The following KCNU1 variants were observed in gnomAD, a reference collection of about 807,000 sequenced individuals.
KCNU1 encodes the protein potassium channel subfamily U member 1.
KCNU1 carries 93 observed loss-of-function variants against 126.8 expected under a neutral mutation model. The ratio of observed to expected loss-of-function variants is 0.73; its 90% CI spans 0.62 to 0.87. KCNU1 has a LOEUF of 0.87. Among genes scored for constraint, KCNU1 ranks in the 40% least tolerant of loss-of-function variants. The pLI is 0.00. For missense variants in KCNU1, 1,330 were observed against 1,367.1 expected, an observed-to-expected ratio of 0.97 and a Z score of 0.43; for synonymous variants, 523 against 494.2, an observed-to-expected ratio of 1.06 and a Z score of -0.77.
At chr8:36,820,799 G>A (rs1804095468) in intron 10 of KCNU1, among the ~76,000 whole-genome samples, 1 of 152,070 alleles carries the variant, frequency 6.6e-6, no homozygotes, top group Non-Finnish European at 1.5e-5. Flanking sequence ...GGATGCAACT[G>A]TAAGATCATT....
At chr8:36,863,891 G>C (rs934813956) in intron 18 of KCNU1, among the ~76,000 whole-genome samples, 2 of 152,060 alleles carry the variant, frequency 1.3e-5, no homozygotes, top group Non-Finnish European at 2.9e-5. Flanking sequence ...TTCCAGATTT[G>C]GAAATACACA....
intron 23 of KCNU1, among the ~76,000 whole-genome samples, chr8:36,920,233 A>G: frequency 6.6e-6 from 1 of 152,044 alleles, no homozygotes; most frequent in East Asian, 1.9e-4. Context: ...AGACACCAAA[A>G]TCCATGATGC....
At chr8:36,888,478 C>G (rs768701728) in intron 19 of KCNU1, 16 of 495,622 alleles carry the variant, frequency 3.2e-5, no homozygotes, top group African/African-American at 7.8e-5. Flanking sequence ...TCAGCCCCAT[C>G]ACGATTATCT....
chr8:36,864,085 C>T (rs1273956214), intron 18 of KCNU1, among the ~76,000 whole-genome samples: 3 of 152,066 alleles, frequency 2.0e-5, no homozygotes, highest in African/African-American at 4.8e-5. Flanking sequence ...TCTTAGCGTC[C>T]TAAGGTGCCT....
At chr8:36,891,719 C>T (rs998913361) in intron 19 of KCNU1, among the ~76,000 whole-genome samples, 1 of 152,024 alleles carries the variant, frequency 6.6e-6, no homozygotes, top group African/African-American at 2.4e-5. Flanking sequence ...TTGAATAATA[C>T]TTTGTTGGAT....
intron 21 of KCNU1, among the ~76,000 whole-genome samples, chr8:36,909,982 T>C (rs1247833712): frequency 1.3e-5 from 2 of 152,176 alleles, no homozygotes; most frequent in Non-Finnish European, 2.9e-5. Flanking sequence ...ATGGACCATA[T>C]AATGCCACAT....
intron 10 of KCNU1, among the ~76,000 whole-genome samples, chr8:36,822,263 A>G (rs138154759): frequency 0.011 from 1,688 of 152,264 alleles, 13 homozygotes; most frequent in Middle Eastern, 0.037. Flanking sequence ...ACATATATAC[A>G]TACGTATGTA....
intron 18 of KCNU1, among the ~76,000 whole-genome samples, chr8:36,850,920 A>T (rs977580752): frequency 6.6e-6 from 1 of 152,212 alleles, no homozygotes; most frequent in Admixed American, 6.5e-5. Context: ...CTGGGTGTCA[A>T]TTGTATTCTA....
At chr8:36,912,097 A>G (rs1433004537) in intron 22 of KCNU1, among the ~76,000 whole-genome samples, 2 of 152,190 alleles carry the variant, frequency 1.3e-5, no homozygotes, top group Non-Finnish European at 2.9e-5. Flanking sequence ...CTCTGTATCA[A>G]GATCAGGTAC....
At chr8:36,865,401 A>G (rs1162405188) in intron 19 of KCNU1, among the ~76,000 whole-genome samples, 2 of 152,012 alleles carry the variant, frequency 1.3e-5, no homozygotes, top group African/African-American at 4.8e-5. Context: ...ACAATTCTGT[A>G]CTCCCATGTT....
intron 19 of KCNU1, among the ~76,000 whole-genome samples, chr8:36,894,735 A>G (rs1807115543): frequency 6.6e-6 from 1 of 152,162 alleles, no homozygotes; most frequent in South Asian, 2.1e-4. Context: ...GAAGTTGAGA[A>G]AATATTAATT....
rs781576456 is a variant in KCNU1, at chr8:36,935,590, C to T, written c.3120C>T (p.Ser1040=). 1 of 1,612,988 alleles carries T rather than the reference C, an allele frequency of 6.2e-7. No individual in the cohort carries two copies. The highest frequency in any genetic ancestry group is 1.3e-5 in the African/African-American group (1 of 74,862). ...SDLVFCAIPF[S]TACYKRNEEF... is the part of the protein sequence containing the mutation. Reference sequence around the variant, plus strand: ...TTGTGTTTTGTGCCATACCCTTCAGCACTGCTTGTTATAAAAGGAATGAAG... The same window carrying T: ...TTGTGTTTTGTGCCATACCCTTCAGTACTGCTTGTTATAAAAGGAATGAAG... The change falls in exon 27 of 27, where the codon AGC becomes AGT. Residue 1040 remains serine, a synonymous_variant. Coordinates refer to ENST00000399881, the MANE Select transcript of KCNU1 (RefSeq NM_001031836.3).
intron 19 of KCNU1, among the ~76,000 whole-genome samples, chr8:36,902,201 C>G (rs1395179417): frequency 4.6e-5 from 7 of 152,038 alleles, no homozygotes; most frequent in Non-Finnish European, 1.0e-4. Context: ...CAGGTGTTTC[C>G]TTTAAGGCAT....
At chr8:36,828,158 A>T (rs1804395266) in intron 10 of KCNU1, among the ~76,000 whole-genome samples, 1 of 152,138 alleles carries the variant, frequency 6.6e-6, no homozygotes, top group South Asian at 2.1e-4. Flanking sequence ...ATGTTGAACT[A>T]CATTTCCTAC....
intron 25 of KCNU1, 49 bp downstream of exon 25, chr8:36,931,194 G>A: frequency 1.4e-6 from 2 of 1,392,790 alleles, no homozygotes; most frequent in Non-Finnish European, 2.0e-6. Flanking sequence ...TTACCTCTCT[G>A]AGCTTCTGAA....
intron 26 of KCNU1, among the ~76,000 whole-genome samples, chr8:36,933,822 C>T (rs1808775382): frequency 6.6e-6 from 1 of 152,112 alleles, no homozygotes; most frequent in African/African-American, 2.4e-5. Flanking sequence ...GCAGATCTAG[C>T]TCTAGGTGAG....
intron 19 of KCNU1, among the ~76,000 whole-genome samples, chr8:36,893,144 GTT>G (rs34766611): frequency 6.9e-6 from 1 of 144,590 alleles, no homozygotes; most frequent in Non-Finnish European, 1.5e-5. Context: ...GTTTTTTTTT[GTT>G]TTTTTTTTGT....
chr8:36,934,090 A>G (rs1233474724), intron 26 of KCNU1, among the ~76,000 whole-genome samples: 2 of 152,118 alleles, frequency 1.3e-5, no homozygotes, highest in South Asian at 2.1e-4. Context: ...GAGAGAAAGT[A>G]TGATGAGAAG....
At chr8:36,810,607 C>T (rs1469727220) in intron 7 of KCNU1, among the ~76,000 whole-genome samples, 4 of 152,148 alleles carry the variant, frequency 2.6e-5, no homozygotes, top group African/African-American at 9.7e-5. Context: ...AAAATAAAAG[C>T]TATGGTTGCC....
Sources: allele counts gnomAD v4.1 joint callset (sites outside exome capture counted in the v4.1 genomes callset), GRCh38; gene constraint gnomAD v4.1.1; transcripts MANE v1.5; gene names NCBI Gene and HGNC (gene_info 2026-07-23, HGNC 2026-07-21).